Variants in KLF17 observed in about 807,000 individuals in gnomAD.
The protein encoded by KLF17 is KLF transcription factor 17.
KLF17 carries 31 observed loss-of-function variants against 34.2 expected under a neutral mutation model. That is an observed-to-expected ratio of 0.91 (90% CI 0.68 to 1.22). The LOEUF (loss-of-function observed/expected upper bound fraction) is 1.22. Among genes scored for constraint, KLF17 ranks in the 50% most tolerant of loss-of-function variants. The probability of loss-of-function intolerance (pLI) is 0.00; values close to 1 mark genes in which losing one functional copy is unlikely to be tolerated. For synonymous variants in KLF17, 179 were observed against 186.7 expected, an observed-to-expected ratio of 0.96 and a Z score of 0.34; for missense variants, 478 against 505.2, an observed-to-expected ratio of 0.95 and a Z score of 0.52.
chr1:44,124,547 T>C (rs1056833435), intron 1 of KLF17, among the ~76,000 whole-genome samples: 1 of 149,078 alleles, frequency 6.7e-6, no homozygotes, highest in Non-Finnish European at 1.5e-5. Flanking sequence ...CAGGCTGTAG[T>C]GCAGTGGCAC....
the KLF17 span, among the ~76,000 whole-genome samples, chr1:44,055,823 C>A: frequency 2.0e-5 from 3 of 152,174 alleles, no homozygotes; most frequent in Non-Finnish European, 4.4e-5. Context: ...CTGTGCCAGT[C>A]CCCATGTAAC....
chr1:44,068,222 A>C, the KLF17 span, among the ~76,000 whole-genome samples: 1 of 152,088 alleles, frequency 6.6e-6, no homozygotes, highest in Non-Finnish European at 1.5e-5. Context: ...ATGGGGTCTC[A>C]CCATGTTGTT....
chr1:44,089,960 G>C, the KLF17 span, among the ~76,000 whole-genome samples: 1 of 151,776 alleles, frequency 6.6e-6, no homozygotes, highest in Non-Finnish European at 1.5e-5. Context: ...CTAAGAATTC[G>C]AGACCAGCCT....
At chr1:44,079,428 C>T in the KLF17 span, among the ~76,000 whole-genome samples, 6 of 151,794 alleles carry the variant, frequency 4.0e-5, no homozygotes, top group East Asian at 7.7e-4. Context: ...TCCCAACTAG[C>T]TGGGACTATA....
the KLF17 span, among the ~76,000 whole-genome samples, chr1:44,077,947 T>A: frequency 6.6e-6 from 1 of 152,226 alleles, no homozygotes; most frequent in Non-Finnish European, 1.5e-5. Context: ...GTTGCAGCCG[T>A]CTTTGGAAAA....
chr1:44,057,866 C>T, the KLF17 span, among the ~76,000 whole-genome samples: 1 of 152,206 alleles, frequency 6.6e-6, no homozygotes. Flanking sequence ...ACCCTCATCC[C>T]TACTCACTCC....
intron 1 of KLF17, 58 bp downstream of exon 1, chr1:44,119,046 G>A: frequency 7.3e-7 from 1 of 1,378,496 alleles, no homozygotes; most frequent in Non-Finnish European, 1.0e-6. Context: ...GGGCGGCGGG[G>A]AGGGGAGGCC....
the KLF17 span, among the ~76,000 whole-genome samples, chr1:44,098,455 AT>A: frequency 3.6e-5 from 5 of 137,658 alleles, no homozygotes; most frequent in Non-Finnish European, 7.9e-5. Flanking sequence ...AATTTTATTT[AT>A]TTCTCTTCTG....
At chr1:44,093,514 C>T in the KLF17 span, among the ~76,000 whole-genome samples, 1 of 152,160 alleles carries the variant, frequency 6.6e-6, no homozygotes, top group South Asian at 2.1e-4. Context: ...CCTGCCTCAG[C>T]CTCCCGAGTA....
At chr1:44,091,345 T>C in the KLF17 span, among the ~76,000 whole-genome samples, 3 of 152,200 alleles carry the variant, frequency 2.0e-5, no homozygotes, top group African/African-American at 7.2e-5. Context: ...TCACATGTCC[T>C]GTAGCTCCTA....
upstream of KLF17, among the ~76,000 whole-genome samples, chr1:44,118,086 T>C (rs547018401): frequency 3.9e-4 from 59 of 152,336 alleles, no homozygotes; most frequent in African/African-American, 1.3e-3. Flanking sequence ...AGCCCTTCAA[T>C]CTTCCTATGG....
the KLF17 span, chr1:44,104,745 C>T: frequency 1.4e-5 from 4 of 294,318 alleles, no homozygotes; most frequent in Non-Finnish European, 2.6e-5. Context: ...CCCTGTTGTT[C>T]ATCAATAGCA....
the KLF17 span, among the ~76,000 whole-genome samples, chr1:44,075,184 AT>A: frequency 2.3e-3 from 346 of 152,186 alleles, 3 homozygotes; most frequent in African/African-American, 8.1e-3. Flanking sequence ...ACACAAAGCT[AT>A]TATTCCCAGT....
chr1:44,046,539 TCA>T, the KLF17 span, among the ~76,000 whole-genome samples: 447 of 25,240 alleles, frequency 0.018, 5 homozygotes, highest in East Asian at 0.28. Flanking sequence ...ACACACACAC[TCA>T]CACACACACA....
chr1:44,102,606 ACACAC>A, the KLF17 span, among the ~76,000 whole-genome samples: 2 of 128,950 alleles, frequency 1.6e-5, no homozygotes, highest in Non-Finnish European at 3.5e-5. Context: ...ACACACACAC[ACACAC>A]ACAGAAAAGA....
At chr1:44,077,693 C>T in the KLF17 span, among the ~76,000 whole-genome samples, 4 of 152,188 alleles carry the variant, frequency 2.6e-5, no homozygotes, top group Non-Finnish European at 5.9e-5. Context: ...GGAGTTTCTC[C>T]GTGTGATCTC....
the KLF17 span, among the ~76,000 whole-genome samples, chr1:44,081,053 C>CA: frequency 6.6e-6 from 1 of 151,560 alleles, no homozygotes; most frequent in Non-Finnish European, 1.5e-5. Context: ...TTAATTTAAT[C>CA]AAAATGGACA....
chr1:44,119,786 C>T (rs2087926210), intron 1 of KLF17, among the ~76,000 whole-genome samples: 1 of 152,192 alleles, frequency 6.6e-6, no homozygotes, highest in South Asian at 2.1e-4. Flanking sequence ...CCATTGAGAT[C>T]ATTCAGGGCT....
rs986907743 is a variant in KLF17, at chr1:44,124,373, A to T, written c.82-4980A>T. Among the ~76,000 whole-genome samples, 13 of 149,402 alleles carry T rather than the reference A, an allele frequency of 8.7e-5. No homozygotes were observed. The Admixed American group carries it at 8.8e-4, about 10-fold the overall frequency. On this transcript the variant is annotated intron_variant, in intron 1 of 3. Transcript: ENST00000372299. Reference sequence around the variant, plus strand: ...GAGACAGAGTCTCGCTGTGTTGCCCAGGCTGGAGTGCAGTGGCTGGATCTC... The same window carrying T: ...GAGACAGAGTCTCGCTGTGTTGCCCTGGCTGGAGTGCAGTGGCTGGATCTC...
Sources: allele counts gnomAD v4.1 joint callset (sites outside exome capture counted in the v4.1 genomes callset), GRCh38; gene constraint gnomAD v4.1.1; transcripts MANE v1.5; gene names NCBI Gene and HGNC (gene_info 2026-07-23, HGNC 2026-07-21).